Variants in SH3KBP1 observed in about 807,000 individuals in gnomAD.
SH3KBP1 encodes the protein SH3 domain-containing kinase-binding protein 1.
SH3KBP1 carries 8 observed loss-of-function variants against 50.1 expected under a neutral mutation model. That is an observed-to-expected ratio of 0.16 (90% CI 0.09 to 0.29). The LOEUF (loss-of-function observed/expected upper bound fraction) is 0.29. SH3KBP1 is among the 10% of genes least tolerant of loss of function. SH3KBP1 has a pLI of 1.00. For missense variants in SH3KBP1, 377 were observed against 535.2 expected, an observed-to-expected ratio of 0.70 and a Z score of 2.92; for synonymous variants, 227 against 218.6, an observed-to-expected ratio of 1.04 and a Z score of -0.34.
chrX:19,856,328 A>G (rs1173468585), intron 1 of SH3KBP1, among the ~76,000 whole-genome samples: 1 of 111,669 alleles, frequency 9.0e-6, no homozygotes, highest in East Asian at 2.8e-4. Context: ...AATAAACTAC[A>G]CTACCCTCCC....
At chrX:19,800,434 G>A (rs1372562443) in intron 2 of SH3KBP1, among the ~76,000 whole-genome samples, 1 of 111,899 alleles carries the variant, frequency 8.9e-6, no homozygotes, top group African/African-American at 3.3e-5. Context: ...GTCAGAGCAG[G>A]ATTTTATTTT....
chrX:19,537,876 C>CT, intron 16 of SH3KBP1, 96 bp from the exon 17 acceptor site: 2 of 706,062 alleles, frequency 2.8e-6, no homozygotes, highest in Non-Finnish European at 4.4e-6. Context: ...CCATCTGATC[C>CT]TTTTTTACAA....
At chrX:19,629,697 G>T (rs2063366252) in intron 8 of SH3KBP1, among the ~76,000 whole-genome samples, 1 of 112,266 alleles carries the variant, frequency 8.9e-6, no homozygotes, top group African/African-American at 3.2e-5. Flanking sequence ...ATGGTGATAT[G>T]AGAACTCTAG....
intron 2 of SH3KBP1, among the ~76,000 whole-genome samples, chrX:19,826,274 C>T (rs1242622629): frequency 8.9e-6 from 1 of 112,080 alleles, no homozygotes; most frequent in Non-Finnish European, 1.9e-5. Flanking sequence ...ATATTCCATT[C>T]AGTCCATCTC....
chrX:19,575,012 T>C (rs2066153859), intron 12 of SH3KBP1, among the ~76,000 whole-genome samples: 2 of 112,123 alleles, frequency 1.8e-5, no homozygotes, highest in South Asian at 7.4e-4. Flanking sequence ...AGGAAATAAA[T>C]TCTGTTGGTT....
At position 19,658,142 on chromosome X, in the gene SH3KBP1, A is replaced by G. The variant is rs186553310; in HGVS notation, c.727-12667T>C. Among the ~76,000 whole-genome samples the G allele has an allele frequency of 2.7e-5, 3 of 111,673 alleles. No individual in the cohort carries two copies. The East Asian group carries it at 8.4e-4, about 31-fold the overall frequency. ...CAGGAATGTCGATTAGAATGGGTGG[A>G]AAAAAAAGTTGCTCATGAGGCTGTG... On this transcript the variant is annotated intron_variant, in intron 6 of 17. Transcript: ENST00000397821.
chrX:19,682,600 G>C (rs1252893656), intron 6 of SH3KBP1, among the ~76,000 whole-genome samples: 1 of 110,818 alleles, frequency 9.0e-6, no homozygotes, highest in Non-Finnish European at 1.9e-5. Flanking sequence ...CAAGAGCTGG[G>C]ACACTAGTTT....
At chrX:19,836,477 C>T (rs2147432781) in intron 1 of SH3KBP1, among the ~76,000 whole-genome samples, 195 bp from the exon 2 acceptor site, 1 of 112,052 alleles carries the variant, frequency 8.9e-6, no homozygotes, top group South Asian at 3.7e-4. Flanking sequence ...AAGTGCTGGT[C>T]CGTGGTCAGG....
chrX:19,784,898 C>T (rs750590356), intron 2 of SH3KBP1, among the ~76,000 whole-genome samples: 5 of 111,459 alleles, frequency 4.5e-5, no homozygotes, highest in South Asian at 7.5e-4. Flanking sequence ...TGTGAGCCAC[C>T]GCGCCCAGCC....
rs5955828 is a variant in SH3KBP1 at position 19,637,322 on chromosome X, G to A, written c.803-5364C>T. Among the ~76,000 whole-genome samples the A allele has an allele frequency of 3.7e-3, 417 of 112,097 alleles. 3 individuals are homozygous for A. Among genetic ancestry groups the A allele is most frequent in the African/African-American group, 0.013 (405 of 30,839 alleles). ...TTCAGAGCTTTTTGTATTTTAGAATGGCACATAAGGGTGTGGACTTCTATC... is the reference window on the plus strand; with the variant it reads ...TTCAGAGCTTTTTGTATTTTAGAATAGCACATAAGGGTGTGGACTTCTATC... On this transcript the variant is annotated intron_variant, in intron 7 of 17. Transcript: ENST00000397821.
chrX:19,571,495 G>C (rs1045126391), intron 12 of SH3KBP1, among the ~76,000 whole-genome samples: 8 of 112,122 alleles, frequency 7.1e-5, no homozygotes, highest in Non-Finnish European at 1.5e-4. Flanking sequence ...TTCACTGTCA[G>C]GGCCCCAGCA....
At chrX:19,645,244 T>C (rs1212956151) in intron 7 of SH3KBP1, among the ~76,000 whole-genome samples, 156 bp downstream of exon 7, 1 of 112,244 alleles carries the variant, frequency 8.9e-6, no homozygotes, top group Admixed American at 9.4e-5. Flanking sequence ...GTGCCCACCC[T>C]AATGGTGGGG....
intron 3 of SH3KBP1, 66 bp from the exon 4 acceptor site, chrX:19,707,050 T>C: frequency 1.1e-6 from 1 of 927,640 alleles, no homozygotes; most frequent in Non-Finnish European, 1.6e-6. Context: ...AAAGAGAGGC[T>C]TCCTAGGCAT....
intron 11 of SH3KBP1, among the ~76,000 whole-genome samples, chrX:19,589,048 C>T (rs776179312): frequency 1.8e-5 from 2 of 111,854 alleles, no homozygotes; most frequent in East Asian, 5.7e-4. Flanking sequence ...TTCTGGCCAC[C>T]GCCCACCTTC....
At chrX:19,687,660 G>A (rs779499265) in intron 5 of SH3KBP1, 2 of 1,207,992 alleles carry the variant, frequency 1.7e-6, no homozygotes, top group Non-Finnish European at 2.2e-6. Context: ...GTGCAGCTCG[G>A]TACAGAATTG....
intron 12 of SH3KBP1, among the ~76,000 whole-genome samples, chrX:19,580,458 G>A (rs1044274535): frequency 5.4e-5 from 6 of 111,208 alleles, no homozygotes; most frequent in Non-Finnish European, 1.1e-4. Flanking sequence ...GAAATTGCTC[G>A]ACTGGGATCA....
chrX:19,803,976 T>A (rs970602644), intron 2 of SH3KBP1, among the ~76,000 whole-genome samples: 2 of 110,778 alleles, frequency 1.8e-5, no homozygotes, highest in African/African-American at 6.6e-5. Flanking sequence ...ATCGAGACCA[T>A]CCTGACTAAC....
intron 6 of SH3KBP1, among the ~76,000 whole-genome samples, chrX:19,659,314 C>T (rs1293561955): frequency 2.7e-5 from 3 of 109,840 alleles, no homozygotes; most frequent in Non-Finnish European, 3.8e-5. Flanking sequence ...AGGGTTTCAC[C>T]GTGTTGGTCA....
chrX:19,872,821 T>TCC (rs1351245635), intron 1 of SH3KBP1, among the ~76,000 whole-genome samples: 1 of 102,149 alleles, frequency 9.8e-6, no homozygotes, highest in African/African-American at 4.0e-5. Flanking sequence ...CTTCTCTCTC[T>TCC]CTCTCTCTCT....
Sources: gnomAD v4.1 joint callset for allele counts (sites outside exome capture counted in the v4.1 genomes callset) on GRCh38, gnomAD v4.1.1 for gene constraint, MANE v1.5 for transcripts, NCBI Gene and HGNC (gene_info 2026-07-23, HGNC 2026-07-21) for gene names.